The following IGSF5 variants were observed in gnomAD, a reference collection of about 807,000 sequenced individuals.
The protein encoded by IGSF5 is immunoglobulin superfamily member 5, also known as immunoglobulin superfamily 5 like.
Under a neutral mutation model 39.4 loss-of-function variants are expected in IGSF5, and 41 were observed. That is an observed-to-expected ratio of 1.04 (90% CI 0.81 to 1.35). IGSF5 has a LOEUF of 1.35. IGSF5 is among the 40% of genes most tolerant of loss of function. The pLI is 0.00. For synonymous variants in IGSF5, 183 were observed against 175.3 expected (o/e 1.04, Z -0.34); for missense variants, 487 against 494.6 (o/e 0.98, Z 0.15).
At chr21:39,785,060 TTAAG>T (rs2080192320) in intron 5 of IGSF5, among the ~76,000 whole-genome samples, 1 of 152,066 alleles carries the variant, frequency 6.6e-6, no homozygotes, top group South Asian at 2.1e-4. Context: ...AAATTATACT[TTAAG>T]TTTTAGGGTA....
chr21:39,794,108 A>G (rs1173413285), intron 8 of IGSF5, among the ~76,000 whole-genome samples: 3 of 152,164 alleles, frequency 2.0e-5, no homozygotes, highest in Non-Finnish European at 4.4e-5. Flanking sequence ...TGCAAGTTCT[A>G]TGCTGATAAG....
intron 6 of IGSF5, among the ~76,000 whole-genome samples, chr21:39,790,476 T>C (rs2086957395): frequency 2.0e-5 from 3 of 152,030 alleles, no homozygotes; most frequent in Admixed American, 1.3e-4. Flanking sequence ...ATGGACAACA[T>C]GGAAAAACCC....
chr21:39,771,953 A>G (rs1601132205), intron 4 of IGSF5, among the ~76,000 whole-genome samples: 1 of 152,226 alleles, frequency 6.6e-6, no homozygotes, highest in South Asian at 2.1e-4. Flanking sequence ...CACACAGCCA[A>G]AGTGGCAGAG....
upstream of IGSF5, among the ~76,000 whole-genome samples, chr21:39,742,140 C>T (rs561967470): frequency 1.4e-4 from 22 of 151,750 alleles, 1 homozygote; most frequent in African/African-American, 5.3e-4. Context: ...GACTTCAGGA[C>T]TAATTCCTTC....
At chr21:39,786,047 G>T (rs2086917358) in intron 5 of IGSF5, among the ~76,000 whole-genome samples, 1 of 151,880 alleles carries the variant, frequency 6.6e-6, no homozygotes, top group Non-Finnish European at 1.5e-5. Context: ...ATAGGCATGG[G>T]CAAGGACTTC....
the IGSF5 span, among the ~76,000 whole-genome samples, chr21:39,721,638 G>A: frequency 6.6e-6 from 1 of 151,338 alleles, no homozygotes; most frequent in Non-Finnish European, 1.5e-5. Context: ...GGGGACTAGA[G>A]CCTGGCCATG....
intron 8 of IGSF5, among the ~76,000 whole-genome samples, chr21:39,796,100 C>G (rs964788141): frequency 6.6e-6 from 1 of 152,112 alleles, no homozygotes; most frequent in Non-Finnish European, 1.5e-5. Flanking sequence ...GGCCGTGTTT[C>G]CTGGGAAGCA....
chr21:39,775,930 A>G lies in IGSF5; in HGVS notation c.719-3160A>G, dbSNP rs371425733. 2.0e-5 allele frequency among the ~76,000 whole-genome samples: 3 copies of G among 152,306 alleles called. No individual in the cohort carries two copies. The East Asian group carries it at 5.8e-4, about 29-fold the overall frequency. On this transcript the variant is annotated intron_variant, in intron 4 of 8. Transcript: ENST00000380588. ...AGACAACACATGGCAGGATGGAAAG[A>G]TATGAGCCAGTGGCCCTGTGGCTTC...
chr21:39,741,574 C>G (rs571518465), upstream of IGSF5, among the ~76,000 whole-genome samples: 2 of 152,286 alleles, frequency 1.3e-5, no homozygotes, highest in East Asian at 3.9e-4. Flanking sequence ...AGTAAATCAT[C>G]CATGCACTGA....
At chr21:39,746,525 C>A (rs1360485998) in intron 2 of IGSF5, among the ~76,000 whole-genome samples, 1 of 152,176 alleles carries the variant, frequency 6.6e-6, no homozygotes, top group Non-Finnish European at 1.5e-5. Context: ...ATATCCTAAT[C>A]CCTTTCAGCA....
In IGSF5 at chr21:39,756,850, G is replaced by A. The variant is rs77620971; in HGVS notation, c.101-8685G>A. ...GCAAGGGTGGAGGGTGACCAAGAGG[G>A]CATCAAAGAACAAAGGGGGTTGGAA... is the stretch of plus-strand genomic sequence containing the variant. On this transcript the variant is annotated intron_variant, in intron 2 of 8. Transcript: ENST00000380588. Among the ~76,000 whole-genome samples the A allele has an allele frequency of 2.6e-5, 4 of 152,082 alleles. No individual in the cohort carries two copies. The East Asian group carries it at 7.8e-4, about 30-fold the overall frequency.
intron 4 of IGSF5, among the ~76,000 whole-genome samples, chr21:39,774,906 A>G (rs2080131977): frequency 6.6e-6 from 1 of 152,196 alleles, no homozygotes; most frequent in Admixed American, 6.5e-5. Context: ...GCAAGTCAGC[A>G]AACTTCAGGG....
chr21:39,735,665 G>T, the IGSF5 span, among the ~76,000 whole-genome samples: 4 of 152,114 alleles, frequency 2.6e-5, no homozygotes, highest in African/African-American at 9.7e-5. Context: ...ATGAAGGAAT[G>T]GGCAAGATGT....
At chr21:39,754,889 C>G (rs1036033835) in intron 2 of IGSF5, among the ~76,000 whole-genome samples, 4 of 152,204 alleles carry the variant, frequency 2.6e-5, no homozygotes, top group Non-Finnish European at 4.4e-5. Context: ...TATCCCCTCT[C>G]AAATCCATAT....
intron 2 of IGSF5, among the ~76,000 whole-genome samples, chr21:39,754,916 G>A (rs2080022245): frequency 6.6e-6 from 1 of 152,144 alleles, no homozygotes; most frequent in East Asian, 1.9e-4. Flanking sequence ...CAGCCTCACT[G>A]CTTGGTTCCT....
At chr21:39,731,273 G>A in the IGSF5 span, among the ~76,000 whole-genome samples, 1 of 152,138 alleles carries the variant, frequency 6.6e-6, no homozygotes, top group Admixed American at 6.5e-5. Flanking sequence ...TTGAGAGGTC[G>A]GTTTATCGCA....
intron 2 of IGSF5, among the ~76,000 whole-genome samples, chr21:39,746,760 G>C (rs1031731154): frequency 6.6e-6 from 1 of 152,214 alleles, no homozygotes; most frequent in Admixed American, 6.5e-5. Flanking sequence ...TCAGCACACT[G>C]TCAGGGCTCT....
At chr21:39,759,278 G>A (rs2080048621) in intron 2 of IGSF5, among the ~76,000 whole-genome samples, 1 of 152,172 alleles carries the variant, frequency 6.6e-6, no homozygotes, top group South Asian at 2.1e-4. Context: ...ACCAGAATGT[G>A]GTGTCAAAAT....
intron 5 of IGSF5, among the ~76,000 whole-genome samples, chr21:39,784,830 T>A (rs2080189758): frequency 6.6e-6 from 1 of 152,178 alleles, no homozygotes; most frequent in African/African-American, 2.4e-5. Flanking sequence ...CAGAAAGTAT[T>A]TTCTGGTTCT....
Sources: gnomAD v4.1 joint callset for allele counts (sites outside exome capture counted in the v4.1 genomes callset) on GRCh38, gnomAD v4.1.1 for gene constraint, MANE v1.5 for transcripts, NCBI Gene and HGNC (gene_info 2026-07-23, HGNC 2026-07-21) for gene names.